GPD2: variants seen among roughly 807,000 people sequenced by gnomAD.
The protein encoded by GPD2 is glycerol-3-phosphate dehydrogenase, mitochondrial.
Under a neutral mutation model 82.4 loss-of-function variants are expected in GPD2, and 54 were observed. The observed-to-expected ratio is 0.66, with a 90% CI of 0.53 to 0.82. The LOEUF (loss-of-function observed/expected upper bound fraction) is 0.82, where lower values mean the gene tolerates loss of function less well. GPD2 is among the 40% of genes least tolerant of loss of function. The pLI, the probability that GPD2 is intolerant of heterozygous loss-of-function variation, is 0.00. For synonymous variants in GPD2, 288 were observed against 306.1 expected, an observed-to-expected ratio of 0.94 and a Z score of 0.62; for missense variants, 748 against 896.2, an observed-to-expected ratio of 0.83 and a Z score of 2.11.
In GPD2 at chr2:156,550,747, G is replaced by A. The variant is rs774000308; in HGVS notation, c.971+1G>A. 1 of 1,612,404 alleles carries A rather than the reference G, an allele frequency of 6.2e-7. No individual in the cohort carries two copies. Among genetic ancestry groups the A allele is most frequent in the Non-Finnish European group, 8.5e-7 (1 of 1,178,660 alleles). On this transcript the variant is annotated splice_donor_variant, in intron 8 of 16. Transcript: ENST00000438166. LOFTEE classifies it high-confidence loss of function. The stretch of plus-strand genomic sequence containing the variant: ...ATATTGTGATGCCTGGTTATTACAG[G>A]TAATTGTCTTCCAATGTGGCAGTTG...
intron 1 of GPD2, among the ~76,000 whole-genome samples, chr2:156,438,502 G>A (rs1177934520): frequency 6.6e-6 from 1 of 152,204 alleles, no homozygotes; most frequent in Non-Finnish European, 1.5e-5. Context: ...GAGTGTGTTG[G>A]GATGGGGAGA....
intron 6 of GPD2, among the ~76,000 whole-genome samples, chr2:156,540,587 A>C (rs1686269736): frequency 6.6e-6 from 1 of 152,224 alleles, no homozygotes; most frequent in Non-Finnish European, 1.5e-5. Flanking sequence ...CAGGATGCCA[A>C]ATTTATAGCT....
At position 156,462,493 on chromosome 2, in the gene GPD2, G is replaced by T. The variant is rs185586519; in HGVS notation, c.-8-13605G>T. On this transcript the variant is annotated intron_variant, in intron 1 of 16. Transcript: ENST00000438166. Reference sequence around the variant, plus strand: ...TTTTTTGTATTTTTAGTAGAGACGGGGTTTCTCCATATTGGTCGGGCTGGT... The same window carrying T: ...TTTTTTGTATTTTTAGTAGAGACGGTGTTTCTCCATATTGGTCGGGCTGGT... 4.7e-3 allele frequency among the ~76,000 whole-genome samples: 712 copies of T among 150,322 alleles called. 2 individuals carry two copies. Among genetic ancestry groups the T allele is most frequent in the Non-Finnish European group, 8.4e-3 (567 of 67,612 alleles).
rs376956645 is a variant in GPD2, at chr2:156,561,205, A to C, written c.1165+3623A>C. 9.3e-5 allele frequency among the ~76,000 whole-genome samples: 14 copies of C among 150,652 alleles called. 1 individual carries two copies. In the East Asian group the frequency reaches 2.7e-3, roughly 29 times the overall value. On this transcript the variant is annotated intron_variant, in intron 9 of 16. Coordinates refer to ENST00000438166, the MANE Select transcript of GPD2 (RefSeq NM_000408.5). ...TGGGATTACAGGCACACGCCACCAC[A>C]CCCGGCTAATTTTTGTATTTTTAGT... is the stretch of plus-strand genomic sequence containing the variant.
chr2:156,479,931 A>G (rs749574922), intron 2 of GPD2, among the ~76,000 whole-genome samples: 2 of 152,186 alleles, frequency 1.3e-5, no homozygotes, highest in Non-Finnish European at 2.9e-5. Flanking sequence ...GTACTGCGAT[A>G]TAAGCATTTT....
the GPD2 span, among the ~76,000 whole-genome samples, chr2:156,400,518 G>A: frequency 6.6e-6 from 1 of 152,258 alleles, no homozygotes; most frequent in Non-Finnish European, 1.5e-5. Context: ...CAGGATCCCA[G>A]GCTCCCGACG....
chr2:156,405,106 A>T, the GPD2 span, among the ~76,000 whole-genome samples: 1 of 152,218 alleles, frequency 6.6e-6, no homozygotes, highest in Non-Finnish European at 1.5e-5. Context: ...AGGAGTAGAG[A>T]GGTGACGAGG....
In GPD2 at chr2:156,476,169, T is replaced by C. The variant is rs1005952583; in HGVS notation, c.64T>C (p.Leu22=). The part of the protein sequence containing the change: ...LVGGGALATV[L]GLSQFAHYRR... ...TGGAGGAGGTGCTCTTGCAACTGTTTTAGGACTTTCTCAGTTTGCTCATTA... is the reference window on the plus strand; with the variant it reads ...TGGAGGAGGTGCTCTTGCAACTGTTCTAGGACTTTCTCAGTTTGCTCATTA... The change falls in exon 2 of 17, where the codon TTA becomes CTA. Residue 22 remains leucine (L), a synonymous_variant. Transcript: ENST00000438166. 9.3e-6 allele frequency: 15 copies of C among 1,609,654 alleles called. No individual in the cohort carries two copies. The highest frequency in any genetic ancestry group is 1.3e-5 in the Non-Finnish European group (15 of 1,175,962).
intron 3 of GPD2, among the ~76,000 whole-genome samples, chr2:156,509,755 A>G (rs1684917782): frequency 7.7e-6 from 1 of 129,906 alleles, no homozygotes; most frequent in Non-Finnish European, 1.6e-5. Flanking sequence ...CTTATCAAGA[A>G]TATGTTCTTC....
chr2:156,477,669 A>G (rs897843662), intron 2 of GPD2, among the ~76,000 whole-genome samples: 1 of 152,212 alleles, frequency 6.6e-6, no homozygotes, highest in African/African-American at 2.4e-5. Flanking sequence ...TTGAATTGAC[A>G]CATAATCATT....
chr2:156,508,163 CT>C (rs1179338003), intron 3 of GPD2, among the ~76,000 whole-genome samples: 1 of 152,042 alleles, frequency 6.6e-6, no homozygotes, highest in African/African-American at 2.4e-5. Context: ...TACTGTGGCT[CT>C]GCATCCCTCA....
chr2:156,536,344 A>G (rs1313322324), intron 6 of GPD2, among the ~76,000 whole-genome samples: 2 of 152,184 alleles, frequency 1.3e-5, no homozygotes, highest in Non-Finnish European at 2.9e-5. Context: ...TGAGTAGACT[A>G]TTATAGTCTG....
At chr2:156,401,692 C>T in the GPD2 span, among the ~76,000 whole-genome samples, 1 of 152,156 alleles carries the variant, frequency 6.6e-6, no homozygotes, top group African/African-American at 2.4e-5. Context: ...ATGTGATTTG[C>T]ATAGGGAACT....
At chr2:156,401,406 G>C in the GPD2 span, among the ~76,000 whole-genome samples, 7 of 152,082 alleles carry the variant, frequency 4.6e-5, no homozygotes, top group African/African-American at 1.7e-4. Context: ...AACTTTATGA[G>C]ATTCTTCTGA....
chr2:156,463,929 A>G lies in GPD2; in HGVS notation c.-8-12169A>G, dbSNP rs555674370. On this transcript the variant is annotated intron_variant, in intron 1 of 16. Transcript: ENST00000438166. The stretch of plus-strand genomic sequence containing the variant: ...ACATCTTATGCAGAATAACTAGACT[A>G]TAGTACTTGAATGCTTTTCATGAGG... 7.9e-5 allele frequency among the ~76,000 whole-genome samples: 12 copies of G among 152,314 alleles called. No homozygotes were observed. The South Asian group carries it at 1.4e-3, about 18-fold the overall frequency.
chr2:156,437,287 T>C (rs1681970551), intron 1 of GPD2, among the ~76,000 whole-genome samples: 1 of 152,228 alleles, frequency 6.6e-6, no homozygotes, highest in Non-Finnish European at 1.5e-5. Flanking sequence ...GGAGTCTTTA[T>C]TGCTAAAACA....
intron 9 of GPD2, among the ~76,000 whole-genome samples, chr2:156,562,207 T>A (rs1687201250): frequency 6.6e-6 from 1 of 152,228 alleles, no homozygotes; most frequent in South Asian, 2.1e-4. Context: ...CTTCTCTACT[T>A]GTACACAGGT....
intron 3 of GPD2, among the ~76,000 whole-genome samples, 183 bp downstream of exon 3, chr2:156,496,398 C>G (rs922271146): frequency 6.6e-6 from 1 of 152,076 alleles, no homozygotes; most frequent in Non-Finnish European, 1.5e-5. Context: ...CTGCCCCACC[C>G]CAAAGGCCCC....
intron 6 of GPD2, among the ~76,000 whole-genome samples, chr2:156,517,212 C>T: frequency 6.6e-6 from 1 of 152,126 alleles, no homozygotes. Flanking sequence ...CCCGCCTTGG[C>T]CTCCCAAAGT....
Sources: gnomAD v4.1 joint callset for allele counts (sites outside exome capture counted in the v4.1 genomes callset) on GRCh38, gnomAD v4.1.1 for gene constraint, MANE v1.5 for transcripts, NCBI Gene and HGNC (gene_info 2026-07-23, HGNC 2026-07-21) for gene names.